Variants in TTC27 observed in about 807,000 individuals in gnomAD.
The protein encoded by TTC27 is tetratricopeptide repeat domain 27.
In TTC27, 79 loss-of-function variants were observed where a neutral mutation model predicts 115.9. The ratio of observed to expected loss-of-function variants is 0.68; its 90% confidence interval spans 0.57 to 0.82. The LOEUF (loss-of-function observed/expected upper bound fraction) is 0.82, where lower values mean the gene tolerates loss of function less well. Ranked by LOEUF, TTC27 falls within the 40% of genes least tolerant of loss-of-function variation. The pLI is 0.00. For synonymous variants in TTC27, 401 were observed against 356.0 expected (o/e 1.13, Z -1.42); for missense variants, 1,054 against 993.1 (o/e 1.06, Z -0.82).
chr2:32,711,217 G>A (rs76418871), intron 10 of TTC27, among the ~76,000 whole-genome samples: 214 of 152,148 alleles, frequency 1.4e-3, no homozygotes, highest in African/African-American at 5.0e-3. Flanking sequence ...TATATTTGGG[G>A]TTCGTTCATT....
At chr2:32,725,902 T>C (rs997587953) in intron 10 of TTC27, among the ~76,000 whole-genome samples, 1 of 152,168 alleles carries the variant, frequency 6.6e-6, no homozygotes. Context: ...AGTTCTTGAC[T>C]TCTGTGCCCT....
At chr2:32,811,002 G>A (rs1440921991) in intron 16 of TTC27, 22 bp from the exon 17 acceptor site, 3 of 1,613,326 alleles carry the variant, frequency 1.9e-6, no homozygotes, top group Non-Finnish European at 2.5e-6. Flanking sequence ...TAACTTACCA[G>A]TTTGTTCTGT....
At chr2:32,810,277 GC>G (rs2148046076) in intron 16 of TTC27, among the ~76,000 whole-genome samples, 1 of 152,312 alleles carries the variant, frequency 6.6e-6, no homozygotes, top group Non-Finnish European at 1.5e-5. Context: ...TATTATAGCA[GC>G]CCAGATGGAA....
chr2:32,634,221 T>C (rs1253398085), intron 3 of TTC27, among the ~76,000 whole-genome samples: 1 of 152,134 alleles, frequency 6.6e-6, no homozygotes, highest in Non-Finnish European at 1.5e-5. Context: ...TATGGAGCTG[T>C]GTTAGCTGTG....
chr2:32,761,791 G>A (rs997267272), intron 13 of TTC27, among the ~76,000 whole-genome samples: 1 of 152,002 alleles, frequency 6.6e-6, no homozygotes, highest in East Asian at 1.9e-4. Context: ...CTTATGTATA[G>A]CTTACTTTTT....
chr2:32,674,472 A>G (rs1032821502), intron 8 of TTC27, among the ~76,000 whole-genome samples: 1 of 151,952 alleles, frequency 6.6e-6, no homozygotes, highest in Non-Finnish European at 1.5e-5. Flanking sequence ...CTTTTAATTC[A>G]GTAGAACTCA....
chr2:32,654,726 C>G (rs183477728), intron 5 of TTC27, among the ~76,000 whole-genome samples: 2 of 149,884 alleles, frequency 1.3e-5, no homozygotes, highest in East Asian at 3.9e-4. Context: ...GATGGAGTCT[C>G]GCTCTGTTGC....
intron 5 of TTC27, among the ~76,000 whole-genome samples, chr2:32,661,930 G>C (rs1382727327): frequency 6.6e-6 from 1 of 152,114 alleles, no homozygotes; most frequent in Non-Finnish European, 1.5e-5. Context: ...TTACTATTTT[G>C]AGATCCGTTC....
chr2:32,733,992 G>T, intron 11 of TTC27, 69 bp downstream of exon 11: 1 of 1,057,054 alleles, frequency 9.5e-7, no homozygotes, highest in Non-Finnish European at 1.4e-6. Context: ...ATTATAAATT[G>T]ATGATTTTAA....
At chr2:32,642,320 C>T (rs549700546) in intron 4 of TTC27, among the ~76,000 whole-genome samples, 27 of 124,476 alleles carry the variant, frequency 2.2e-4, no homozygotes, top group South Asian at 1.8e-3. Flanking sequence ...AGTGTGATCT[C>T]GGCTCATTGC....
In TTC27 at chr2:32,692,789, T is replaced by G. The variant is rs1230981415; in HGVS notation, c.1120-10018T>G. On this transcript the variant is annotated intron_variant, in intron 9 of 19. Coordinates refer to ENST00000317907, the MANE Select transcript of TTC27 (RefSeq NM_017735.5). Reference sequence around the variant, plus strand: ...GAATTCAAGACCAGCCTGGCCAACATGGTAAAATCTTGTCTCTGCAAAAAA... The same window carrying G: ...GAATTCAAGACCAGCCTGGCCAACAGGGTAAAATCTTGTCTCTGCAAAAAA... 2.0e-5 allele frequency among the ~76,000 whole-genome samples: 3 copies of G among 151,942 alleles called. No homozygotes were observed. The East Asian group carries it at 5.8e-4, about 29-fold the overall frequency.
At chr2:32,700,141 G>T (rs1667134879) in intron 9 of TTC27, among the ~76,000 whole-genome samples, 1 of 152,178 alleles carries the variant, frequency 6.6e-6, no homozygotes, top group African/African-American at 2.4e-5. Flanking sequence ...GCTGGAGGAG[G>T]AGAGCTCCTG....
At chr2:32,644,227 C>A (rs991245239) in intron 4 of TTC27, among the ~76,000 whole-genome samples, 20 of 150,310 alleles carry the variant, frequency 1.3e-4, no homozygotes, top group Admixed American at 1.2e-3. Flanking sequence ...TGGTGCATGC[C>A]TGTAATCCTA....
intron 12 of TTC27, among the ~76,000 whole-genome samples, chr2:32,754,099 A>C (rs1246575468): frequency 2.0e-5 from 3 of 151,568 alleles, no homozygotes; most frequent in African/African-American, 7.3e-5. Context: ...ATAAAAAATA[A>C]AAATAAATAA....
At chr2:32,675,984 G>T (rs1666184664) in intron 8 of TTC27, among the ~76,000 whole-genome samples, 1 of 151,868 alleles carries the variant, frequency 6.6e-6, no homozygotes, top group African/African-American at 2.4e-5. Flanking sequence ...TAGAGACAGG[G>T]TTTCACCATG....
chr2:32,654,626 G>A (rs918137282), intron 5 of TTC27, among the ~76,000 whole-genome samples: 35 of 151,946 alleles, frequency 2.3e-4, no homozygotes, highest in African/African-American at 8.5e-4. Context: ...GAAATCCTGG[G>A]CTCAAGTGAT....
At chr2:32,779,982 G>C in intron 14 of TTC27, 2 of 363,790 alleles carry the variant, frequency 5.5e-6, no homozygotes, top group South Asian at 4.5e-5. Flanking sequence ...TTAATTGACT[G>C]TAATGTAAGG....
chr2:32,640,353 A>G lies in TTC27; in HGVS notation c.480A>G (p.Leu160=). 1.2e-6 allele frequency: 2 copies of G among 1,613,982 alleles called. No homozygotes were observed. Among genetic ancestry groups the G allele is most frequent in the Non-Finnish European group, 1.7e-6 (2 of 1,179,934 alleles). Reference sequence around the variant, plus strand: ...ACAGCCTGACCTCGAAGCCTATACTACTGTTATTAGCACGCATTATCCTAG... The same window carrying G: ...ACAGCCTGACCTCGAAGCCTATACTGCTGTTATTAGCACGCATTATCCTAG... ...SIYSLTSKPI[L]LLLARIILVN... is the part of the protein sequence containing the mutation. Residue 160 remains leucine, a synonymous_variant, in exon 4 of 20, where the codon CTA becomes CTG. Transcript: ENST00000317907.
chr2:32,648,733 G>C (rs1276035723), intron 4 of TTC27, among the ~76,000 whole-genome samples: 3 of 152,032 alleles, frequency 2.0e-5, no homozygotes, highest in Non-Finnish European at 4.4e-5. Context: ...GTTTCCTACT[G>C]GGTGCAGTGC....
Sources: allele counts gnomAD v4.1 joint callset (sites outside exome capture counted in the v4.1 genomes callset), GRCh38; gene constraint gnomAD v4.1.1; transcripts MANE v1.5; gene names NCBI Gene and HGNC (gene_info 2026-07-23, HGNC 2026-07-21).